MKLN1: variants seen among roughly 807,000 people sequenced by gnomAD.
The protein encoded by MKLN1 is muskelin 1.
A neutral mutation model predicts 99.0 loss-of-function variants in MKLN1; 18 were observed. That is an observed-to-expected ratio of 0.18 (90% CI 0.13 to 0.27). The LOEUF is 0.27. MKLN1 is among the 10% of genes least tolerant of loss of function. The pLI is 1.00. For synonymous variants in MKLN1, 288 were observed against 293.2 expected (o/e 0.98, Z 0.18); for missense variants, 621 against 875.9 (o/e 0.71, Z 3.67).
intron 1 of MKLN1, 69 bp downstream of exon 1, chr7:131,328,066 A>G (rs1798943660): frequency 5.2e-6 from 8 of 1,543,418 alleles, no homozygotes; most frequent in East Asian, 2.4e-5. Context: ...CAGGGGTGCA[A>G]TGGAGGGCAG....
chr7:131,116,582 A>C (rs996871179), intron 1 of MKLN1, among the ~76,000 whole-genome samples: 1 of 152,110 alleles, frequency 6.6e-6, no homozygotes, highest in African/African-American at 2.4e-5. Context: ...TAGAATAAAA[A>C]AATTGACTAA....
At chr7:131,256,887 A>C (rs751522518) in intron 3 of MKLN1, among the ~76,000 whole-genome samples, 2 of 152,176 alleles carry the variant, frequency 1.3e-5, no homozygotes, top group Non-Finnish European at 2.9e-5. Context: ...GGATCATTTG[A>C]AGCTCAAACC....
rs115943383 is a variant in MKLN1, at chr7:131,233,231, G to A, written c.-179+30257G>A. Among the ~76,000 whole-genome samples, 1,135 of 151,984 alleles carry A rather than the reference G, an allele frequency of 7.5e-3. 14 individuals carry two copies. The highest frequency in any genetic ancestry group is 0.026 in the African/African-American group (1,091 of 41,456). Reference sequence around the variant, plus strand: ...AAACCCAAAAATGAAATTATTAGCCGGGCAAGATAGTATGTGCCTGTGGTC... The same window carrying A: ...AAACCCAAAAATGAAATTATTAGCCAGGCAAGATAGTATGTGCCTGTGGTC... On this transcript the variant is annotated intron_variant, in intron 3 of 7. Transcript: ENST00000416992.
At chr7:131,217,304 T>C (rs10251585) in intron 3 of MKLN1, among the ~76,000 whole-genome samples, 112,253 of 152,174 alleles carry the variant, frequency 0.74, 41,991 homozygotes, top group East Asian at 0.97. Flanking sequence ...ACTATGTGCT[T>C]ACACAGTACA....
rs1384178409 is a variant in MKLN1 at position 131,487,464 on chromosome 7, C to G, written c.2087-143C>G. 1.2e-6 allele frequency: 1 copy of G among 800,966 alleles called. No homozygotes were observed. The highest frequency in any genetic ancestry group is 1.9e-6 in the Non-Finnish European group (1 of 530,568). 49.6% of individuals were successfully genotyped at this position (800,966 alleles called of 1,614,324 possible). On this transcript the variant is annotated intron_variant, in intron 17 of 17. Transcript: ENST00000352689. This position sits in a 1 kb window ranked among gnomAD's most constrained non-coding sequence, Gnocchi z 4.7. ...ATCACACCACAGCCAGGTAGTAGAA[C>G]TGGGGTCAGATCAGTAGTGTCTGCC...
At chr7:131,416,730 G>A (rs1563337378) in intron 8 of MKLN1, among the ~76,000 whole-genome samples, 2 of 151,854 alleles carry the variant, frequency 1.3e-5, no homozygotes, top group South Asian at 2.1e-4. Flanking sequence ...GACTGTAGTT[G>A]CAACACTTTG....
intron 2 of MKLN1, among the ~76,000 whole-genome samples, chr7:131,377,475 C>T (rs553264062): frequency 1.1e-4 from 16 of 152,158 alleles, no homozygotes; most frequent in African/African-American, 1.9e-4. Flanking sequence ...TTTTTAATCA[C>T]GCTTTTCTTG....
At chr7:131,186,815 A>G (rs1796458358) in intron 2 of MKLN1, among the ~76,000 whole-genome samples, 2 of 152,220 alleles carry the variant, frequency 1.3e-5, no homozygotes, top group Non-Finnish European at 2.9e-5. Context: ...TTATGAGTTT[A>G]GTAGAATAAA....
intron 1 of MKLN1, among the ~76,000 whole-genome samples, chr7:131,358,037 A>G (rs1482004910): frequency 6.6e-6 from 1 of 152,112 alleles, no homozygotes; most frequent in Non-Finnish European, 1.5e-5. Flanking sequence ...TTTCCTTCTC[A>G]ATGTGTAGAC....
chr7:131,172,111 G>A (rs147383816), intron 2 of MKLN1, among the ~76,000 whole-genome samples: 3 of 151,948 alleles, frequency 2.0e-5, no homozygotes, highest in African/African-American at 7.2e-5. Context: ...GTCCACACAA[G>A]AATTTATTTA....
At chr7:131,302,807 A>G (rs991502755) in intron 3 of MKLN1, among the ~76,000 whole-genome samples, 1 of 152,250 alleles carries the variant, frequency 6.6e-6, no homozygotes. Flanking sequence ...GCAGTAACTT[A>G]TAATTTAAGA....
At chr7:131,303,659 A>C (rs377413402) in intron 3 of MKLN1, among the ~76,000 whole-genome samples, 5 of 152,194 alleles carry the variant, frequency 3.3e-5, no homozygotes, top group African/African-American at 1.2e-4. Flanking sequence ...GAATGCACGC[A>C]CTTGAGAATT....
intron 12 of MKLN1, among the ~76,000 whole-genome samples, chr7:131,448,757 T>C (rs1035626667): frequency 2.0e-5 from 3 of 152,232 alleles, no homozygotes; most frequent in Non-Finnish European, 2.9e-5. Flanking sequence ...ATCACCATTT[T>C]TTACTGTGTG....
intron 2 of MKLN1, among the ~76,000 whole-genome samples, chr7:131,385,798 A>G (rs1296726988): frequency 2.0e-5 from 3 of 152,014 alleles, no homozygotes; most frequent in African/African-American, 7.2e-5. Flanking sequence ...TGATTTGCAA[A>G]TATTTTCTCC....
rs1793669349 is a variant in MKLN1 at position 131,376,498 on chromosome 7, T to C, written c.168+1005T>C. 2.0e-5 allele frequency among the ~76,000 whole-genome samples: 3 copies of C among 151,362 alleles called. 1 individual carries two copies. The highest frequency in any genetic ancestry group is 4.2e-4 in the South Asian group (2 of 4,814). On this transcript the variant is annotated intron_variant, in intron 2 of 17. Coordinates refer to ENST00000352689, the MANE Select transcript of MKLN1 (RefSeq NM_013255.5). ...CTCCACTAAAAATACAAAAATTAGCTGGGTGTGGTGGCACACGCCTATAGT... is the reference window on the plus strand; with the variant it reads ...CTCCACTAAAAATACAAAAATTAGCCGGGTGTGGTGGCACACGCCTATAGT...
chr7:131,267,274 G>C (rs1041002572), intron 3 of MKLN1, among the ~76,000 whole-genome samples: 1 of 151,964 alleles, frequency 6.6e-6, no homozygotes, highest in Non-Finnish European at 1.5e-5. Context: ...TGGAGGTTGC[G>C]TGAGCCAAGA....
intron 15 of MKLN1, among the ~76,000 whole-genome samples, chr7:131,467,537 T>G (rs1255272756): frequency 1.3e-5 from 2 of 151,692 alleles, no homozygotes; most frequent in Non-Finnish European, 2.9e-5. Context: ...TCTGGTGGGG[T>G]GGGGAGTGTT....
chr7:131,283,342 TC>T (rs1303533546), intron 3 of MKLN1, among the ~76,000 whole-genome samples: 1,033 of 19,076 alleles, frequency 0.054, 48 homozygotes, highest in African/African-American at 0.18. Context: ...TCCCTTCCCT[TC>T]CCCTCCTTCC....
At chr7:131,327,135 T>TA (rs1424056683), upstream of MKLN1, 1 of 152,230 alleles carries the variant, frequency 6.6e-6, no homozygotes, top group Non-Finnish European at 1.5e-5. Context: ...TCTGAACTTT[T>TA]AGGCTACAAT....
Sources: gnomAD v4.1 joint callset for allele counts (sites outside exome capture counted in the v4.1 genomes callset) on GRCh38, gnomAD v4.1.1 for gene constraint, Gnocchi (gnomAD v3.1) non-coding constraint, MANE v1.5 for transcripts, NCBI Gene and HGNC (gene_info 2026-07-23, HGNC 2026-07-21) for gene names.